Variants in CFAP20DC observed in about 807,000 individuals in gnomAD.
CFAP20DC encodes the protein CFAP20 domain containing, also known as protein CFAP20DC.
A neutral mutation model predicts 101.7 loss-of-function variants in CFAP20DC; 84 were observed. The observed-to-expected ratio is 0.83, with a 90% CI of 0.69 to 0.99. CFAP20DC has a LOEUF of 0.99. CFAP20DC is among the 50% of genes least tolerant of loss of function. The pLI is 0.00. For missense variants in CFAP20DC, 1,007 were observed against 970.3 expected, an observed-to-expected ratio of 1.04 and a Z score of -0.50; for synonymous variants, 359 against 351.2, an observed-to-expected ratio of 1.02 and a Z score of -0.25.
chr3:58,825,513 C>T (rs997163032), intron 14 of CFAP20DC, among the ~76,000 whole-genome samples: 2 of 148,768 alleles, frequency 1.3e-5, no homozygotes, highest in African/African-American at 2.5e-5. Flanking sequence ...CCATTGATAG[C>T]TGTTCCTGTT....
chr3:58,749,814 A>G (rs189391801), intron 16 of CFAP20DC, among the ~76,000 whole-genome samples: 10 of 152,340 alleles, frequency 6.6e-5, no homozygotes, highest in Admixed American at 2.0e-4. Flanking sequence ...TGAGCAAAGT[A>G]TGGTTCATTT....
chr3:58,870,083 T>TTCCC (rs943622099), intron 8 of CFAP20DC, 90 bp downstream of exon 8: 8 of 883,740 alleles, frequency 9.1e-6, no homozygotes, highest in African/African-American at 1.8e-5. Context: ...CTGTCTGTCT[T>TTCCC]TCCCTCCCTC....
chr3:59,030,721 G>T lies in CFAP20DC; in HGVS notation c.278+8836C>A, dbSNP rs186215894. Among the ~76,000 whole-genome samples the T allele has an allele frequency of 3.2e-4, 49 of 152,290 alleles. No homozygotes were observed. The East Asian group carries it at 7.7e-3, about 24-fold the overall frequency. On this transcript the variant is annotated intron_variant, in intron 4 of 16. Transcript: ENST00000482387. ...AATAGGATAAGAAAGAAGTCATCAG[G>T]TTGACTCAGATATCAACTGCTCTCT...
chr3:58,894,132 G>C lies in CFAP20DC; in HGVS notation c.551-9423C>G, dbSNP rs181989968. Among the ~76,000 whole-genome samples the C allele has an allele frequency of 2.7e-3, 414 of 152,188 alleles. 1 individual carries two copies. The highest frequency in any genetic ancestry group is 9.4e-3 in the African/African-American group (390 of 41,508). On this transcript the variant is annotated intron_variant, in intron 6 of 16. Coordinates refer to ENST00000482387, the MANE Select transcript of CFAP20DC (RefSeq NM_001394063.1). The surrounding 1 kb of genome is among the most constrained non-coding windows in gnomAD (Gnocchi z 4.1). ...CACGTGGGAATTCAAGATGAGACTT[G>C]GGTGAGGACACAGCCAAACCATATC...
At chr3:58,890,681 A>T (rs1288707881) in intron 6 of CFAP20DC, among the ~76,000 whole-genome samples, 1 of 138,678 alleles carries the variant, frequency 7.2e-6, no homozygotes, top group Non-Finnish European at 1.5e-5. Flanking sequence ...GGTGGTTGCC[A>T]GGCAGAGGGT....
chr3:58,821,922 T>G (rs2075679607), intron 14 of CFAP20DC, among the ~76,000 whole-genome samples: 1 of 137,708 alleles, frequency 7.3e-6, no homozygotes, highest in Non-Finnish European at 1.5e-5. Flanking sequence ...TAGACTGGAT[T>G]AAGAAAATGT....
chr3:59,022,734 T>C (rs1217304597), intron 4 of CFAP20DC, among the ~76,000 whole-genome samples: 2 of 152,078 alleles, frequency 1.3e-5, no homozygotes, highest in African/African-American at 2.4e-5. Flanking sequence ...AGAAATGACA[T>C]AAAACAAAGA....
chr3:58,771,504 A>C (rs1237128203), intron 15 of CFAP20DC, among the ~76,000 whole-genome samples: 2 of 152,188 alleles, frequency 1.3e-5, no homozygotes, highest in Non-Finnish European at 2.9e-5. Flanking sequence ...TAACGTTATA[A>C]GGGGATCGGA....
intron 15 of CFAP20DC, among the ~76,000 whole-genome samples, chr3:58,796,488 A>C (rs749389692): frequency 6.6e-6 from 1 of 152,036 alleles, no homozygotes; most frequent in Non-Finnish European, 1.5e-5. Context: ...ATCGGGGAGG[A>C]AAGAGGCCCA....
chr3:58,739,565 C>T (rs1349595404), downstream of CFAP20DC, among the ~76,000 whole-genome samples: 2 of 152,234 alleles, frequency 1.3e-5, no homozygotes, highest in African/African-American at 4.8e-5. Context: ...CCTGCCTTCT[C>T]TGCATGTCAG....
intron 15 of CFAP20DC, among the ~76,000 whole-genome samples, chr3:58,762,861 T>C (rs1374185958): frequency 6.6e-6 from 1 of 152,240 alleles, no homozygotes; most frequent in Non-Finnish European, 1.5e-5. Context: ...TGTTGAATAT[T>C]GGCCCCCACT....
chr3:58,870,006 A>G (rs890185354), intron 8 of CFAP20DC, among the ~76,000 whole-genome samples, 167 bp downstream of exon 8: 3 of 152,236 alleles, frequency 2.0e-5, no homozygotes, highest in Admixed American at 2.0e-4. Context: ...TTTAAAATCC[A>G]GAATTTCTGT....
At chr3:58,797,585 G>A (rs1032204275) in intron 15 of CFAP20DC, among the ~76,000 whole-genome samples, 3 of 152,188 alleles carry the variant, frequency 2.0e-5, no homozygotes, top group South Asian at 2.1e-4. Flanking sequence ...GCTGCAGCAA[G>A]TTATCCAGGA....
At chr3:59,030,588 G>C (rs1228755781) in intron 4 of CFAP20DC, among the ~76,000 whole-genome samples, 1 of 152,128 alleles carries the variant, frequency 6.6e-6, no homozygotes. Context: ...ATGTAGATAA[G>C]AGAACAAGGT....
chr3:58,867,706 A>G, intron 10 of CFAP20DC, 111 bp downstream of exon 10: 4 of 1,303,966 alleles, frequency 3.1e-6, no homozygotes, highest in South Asian at 1.3e-5. Flanking sequence ...ACAGACATTT[A>G]TATTTTAAAT....
At position 59,007,860 on chromosome 3, in the gene CFAP20DC, G is replaced by A. The variant is rs1030261444; in HGVS notation, c.278+31697C>T. Among the ~76,000 whole-genome samples, 7 of 152,210 alleles carry A rather than the reference G, an allele frequency of 4.6e-5. No homozygotes were observed. Among genetic ancestry groups the A allele is most frequent in the African/African-American group, 1.7e-4 (7 of 41,454 alleles). On this transcript the variant is annotated intron_variant, in intron 4 of 16. Coordinates refer to ENST00000482387, the MANE Select transcript of CFAP20DC (RefSeq NM_001394063.1). This position sits in a 1 kb window ranked among gnomAD's most constrained non-coding sequence, Gnocchi z 4.4. ...AAAACCCTGTGGGACAAAAAACTCT[G>A]AACAGCAGGACTTGGGTTTCAGATC...
At chr3:59,044,149 A>C (rs17556835) in intron 3 of CFAP20DC, among the ~76,000 whole-genome samples, 23,857 of 152,190 alleles carry the variant, frequency 0.16, 2,035 homozygotes, top group Non-Finnish European at 0.2. Context: ...ACAGAAACAC[A>C]AATAGGGTAC....
intron 6 of CFAP20DC, among the ~76,000 whole-genome samples, chr3:58,905,777 C>A: frequency 6.6e-6 from 1 of 152,176 alleles, no homozygotes; most frequent in East Asian, 1.9e-4. Flanking sequence ...TGAAAAAGTT[C>A]TCAACACAGC....
chr3:59,045,005 CA>C (rs1699734185), intron 3 of CFAP20DC, among the ~76,000 whole-genome samples: 1 of 151,834 alleles, frequency 6.6e-6, no homozygotes, highest in South Asian at 2.1e-4. Flanking sequence ...CACACACACA[CA>C]CACACACACA....
Sources: gnomAD v4.1 joint callset for allele counts (sites outside exome capture counted in the v4.1 genomes callset) on GRCh38, gnomAD v4.1.1 for gene constraint, Gnocchi (gnomAD v3.1) non-coding constraint, MANE v1.5 for transcripts, NCBI Gene and HGNC (gene_info 2026-07-23, HGNC 2026-07-21) for gene names.